Variants in AP1S3 observed in about 807,000 individuals in gnomAD.
AP1S3 encodes AP-1 complex subunit sigma-3.
In AP1S3, 10 loss-of-function variants were observed where a neutral mutation model predicts 20.9. The ratio of observed to expected loss-of-function variants is 0.48; its 90% confidence interval spans 0.29 to 0.81. The LOEUF is 0.81. Ranked by LOEUF, AP1S3 falls within the 30% of genes least tolerant of loss-of-function variation. The pLI, the probability that AP1S3 is intolerant of heterozygous loss-of-function variation, is 0.08. For missense variants in AP1S3, 154 were observed against 183.8 expected (o/e 0.84, Z 0.94); for synonymous variants, 41 against 61.5 (o/e 0.67, Z 1.56).
In AP1S3 at chr2:223,832,265, G is replaced by A. The variant is rs1029967262; in HGVS notation, c.3+5183C>T. Among the ~76,000 whole-genome samples, 8 of 151,442 alleles carry A rather than the reference G, an allele frequency of 5.3e-5. No individual in the cohort carries two copies. In the East Asian group the frequency reaches 9.8e-4, roughly 18 times the overall value. ...CAAAAGGGCAGACATTGACAACACC[G>A]TTCAGCAAATACACAGTGTGCTGCT... is the stretch of plus-strand genomic sequence containing the variant. On this transcript the variant is annotated intron_variant, in intron 1 of 4. Coordinates refer to ENST00000396654, the MANE Select transcript of AP1S3 (RefSeq NM_001039569.2).
At chr2:223,779,564 G>T (rs1690873165) in intron 1 of AP1S3, among the ~76,000 whole-genome samples, 1 of 152,028 alleles carries the variant, frequency 6.6e-6, no homozygotes, top group Non-Finnish European at 1.5e-5. Flanking sequence ...GTTCAGTTTT[G>T]TTTTGTTTTT....
intron 4 of AP1S3, among the ~76,000 whole-genome samples, chr2:223,762,185 C>G (rs1362850079): frequency 6.6e-6 from 1 of 151,044 alleles, no homozygotes. Context: ...CTTGGCCAGG[C>G]TGGTCTTGAA....
chr2:223,796,916 G>A (rs1464119383), intron 1 of AP1S3, among the ~76,000 whole-genome samples: 1 of 152,066 alleles, frequency 6.6e-6, no homozygotes, highest in Admixed American at 6.6e-5. Context: ...CACCGACCTC[G>A]GCCTCCCAAA....
chr2:223,770,839 C>T (rs959688225), intron 3 of AP1S3, among the ~76,000 whole-genome samples: 8 of 148,990 alleles, frequency 5.4e-5, no homozygotes, highest in South Asian at 2.1e-4. Context: ...ACTATTCTAC[C>T]GCCTCAGCCT....
intron 1 of AP1S3, among the ~76,000 whole-genome samples, chr2:223,795,483 T>TA (rs570250955): frequency 8.7e-4 from 132 of 152,328 alleles, no homozygotes; most frequent in African/African-American, 2.9e-3. Flanking sequence ...ATTTAAATGT[T>TA]AGCTTTTTCA....
At chr2:223,819,596 T>C (rs1173573597) in intron 1 of AP1S3, among the ~76,000 whole-genome samples, 2 of 112,924 alleles carry the variant, frequency 1.8e-5, no homozygotes, top group African/African-American at 6.7e-5. Flanking sequence ...AGATGCCTTG[T>C]GTAAAAAAAA....
At position 223,756,993 on chromosome 2, in the gene AP1S3, T is replaced by C. The variant is rs919073759; in HGVS notation, c.*1722A>G. The C allele has an allele frequency of 3.5e-5, 34 of 974,940 alleles. No homozygotes were observed. In the Admixed American group the frequency reaches 3.7e-4, roughly 11 times the overall value. 60.4% of individuals were successfully genotyped at this position (974,940 alleles called of 1,614,324 possible). A position where few individuals can be genotyped will look rare whatever the true frequency, so the allele number is the denominator to read the frequency against. ...ACTACAAGCTTTTACTTTTTCTTTT[T>C]TTTTTTTTTTTTCTTGAGACGCAGT... is the stretch of plus-strand genomic sequence containing the variant. On this transcript the variant is annotated 3_prime_UTR_variant, in exon 5 of 5. Coordinates refer to ENST00000396654, the MANE Select transcript of AP1S3 (RefSeq NM_001039569.2).
chr2:223,791,854 G>GTATCC (rs1691222075), intron 1 of AP1S3, among the ~76,000 whole-genome samples: 22 of 152,150 alleles, frequency 1.4e-4, no homozygotes, highest in Admixed American at 1.4e-3. Context: ...CAAAATGAAT[G>GTATCC]TGCAAAAATC....
intron 1 of AP1S3, among the ~76,000 whole-genome samples, chr2:223,793,708 A>T (rs1049486977): frequency 7.9e-5 from 12 of 152,300 alleles, no homozygotes; most frequent in African/African-American, 2.6e-4. Context: ...TTATTAATAT[A>T]GTCACCAAGA....
At chr2:223,764,903 A>G (rs1047100580) in intron 4 of AP1S3, among the ~76,000 whole-genome samples, 1 of 152,150 alleles carries the variant, frequency 6.6e-6, no homozygotes, top group Admixed American at 6.5e-5. Flanking sequence ...CTAAAGCCCA[A>G]TTGCCTGGGT....
chr2:223,831,798 C>T (rs1038084670), intron 1 of AP1S3, among the ~76,000 whole-genome samples: 2 of 152,092 alleles, frequency 1.3e-5, no homozygotes, highest in Non-Finnish European at 1.5e-5. Flanking sequence ...TTCTGTTGGC[C>T]GGGCACGGTG....
rs1334774570 is a variant in AP1S3 at position 223,756,757 on chromosome 2, T to C, written c.*1958A>G. On this transcript the variant is annotated 3_prime_UTR_variant, in exon 5 of 5. Coordinates refer to ENST00000396654, the MANE Select transcript of AP1S3 (RefSeq NM_001039569.2). ...CTTGCTTTGCTGTTTTCCCTAAATATGTCTGCTGAGATGAACTAAAGAGAA... is the reference window on the plus strand; with the variant it reads ...CTTGCTTTGCTGTTTTCCCTAAATACGTCTGCTGAGATGAACTAAAGAGAA... 1.0e-6 allele frequency: 1 copy of C among 985,290 alleles called. No individual in the cohort carries two copies. 61.0% of individuals were successfully genotyped at this position (985,290 alleles called of 1,614,324 possible). A position where few individuals can be genotyped will look rare whatever the true frequency, so the allele number is the denominator to read the frequency against.
intron 3 of AP1S3, among the ~76,000 whole-genome samples, chr2:223,771,349 C>CAAAAT (rs1261994382): frequency 4.6e-5 from 7 of 151,908 alleles, no homozygotes; most frequent in Non-Finnish European, 7.4e-5. Flanking sequence ...GAAAAAGAAA[C>CAAAAT]AAAATAAAAT....
rs1427979580 is a variant in AP1S3, at chr2:223,758,395, T to C, written c.*320A>G. 15 of 1,062,960 alleles carry C rather than the reference T, an allele frequency of 1.4e-5. No individual in the cohort carries two copies. Among genetic ancestry groups the C allele is most frequent in the Non-Finnish European group, 1.7e-5 (15 of 881,240 alleles). The allele number at this position is 1,062,960 out of a possible 1,614,324, so 65.8% of individuals were successfully genotyped here. On this transcript the variant is annotated 3_prime_UTR_variant, in exon 5 of 5. Coordinates refer to ENST00000396654, the MANE Select transcript of AP1S3 (RefSeq NM_001039569.2). Reference sequence around the variant, plus strand: ...CAAATGCAAAAAAAATTGCAGCTAATGTATCTAAACCAGCTTAAAAACATA... The same window carrying C: ...CAAATGCAAAAAAAATTGCAGCTAACGTATCTAAACCAGCTTAAAAACATA...
At chr2:223,822,433 C>T (rs968944603) in intron 1 of AP1S3, among the ~76,000 whole-genome samples, 5 of 151,864 alleles carry the variant, frequency 3.3e-5, no homozygotes, top group African/African-American at 9.7e-5. Flanking sequence ...GCCTGTAATC[C>T]CAGCACTTTG....
At chr2:223,808,161 T>C (rs1238457090) in intron 1 of AP1S3, among the ~76,000 whole-genome samples, 1 of 152,142 alleles carries the variant, frequency 6.6e-6, no homozygotes, top group Non-Finnish European at 1.5e-5. Flanking sequence ...TGAACAGAGC[T>C]GGTATAAGTT....
chr2:223,807,304 G>T (rs1691604096), intron 1 of AP1S3, among the ~76,000 whole-genome samples: 1 of 151,996 alleles, frequency 6.6e-6, no homozygotes, highest in Admixed American at 6.6e-5. Context: ...ACAAAATACA[G>T]TAGCTACTCC....
chr2:223,778,121 TTTG>T (rs1424420910), intron 1 of AP1S3, among the ~76,000 whole-genome samples: 1 of 150,068 alleles, frequency 6.7e-6, no homozygotes, highest in South Asian at 2.1e-4. Context: ...GTTTTTTTTG[TTTG>T]TTTGTTTGTT....
intron 2 of AP1S3, 161 bp from the exon 3 acceptor site, chr2:223,776,170 A>C: frequency 1.4e-6 from 1 of 703,752 alleles, no homozygotes; most frequent in Non-Finnish European, 2.7e-6. Context: ...TGAAATATAA[A>C]TCAGAATATA....
Sources: gnomAD v4.1 joint callset for allele counts (sites outside exome capture counted in the v4.1 genomes callset) on GRCh38, gnomAD v4.1.1 for gene constraint, MANE v1.5 for transcripts, NCBI Gene and HGNC (gene_info 2026-07-23, HGNC 2026-07-21) for gene names.